Variants in COL11A1 observed in about 807,000 individuals in gnomAD.
COL11A1 encodes collagen type XI alpha 1 chain.
In COL11A1, 74 loss-of-function variants were observed where a neutral mutation model predicts 265.2. The observed-to-expected ratio is 0.28, with a 90% CI of 0.23 to 0.34. The LOEUF is 0.34. Among genes scored for constraint, COL11A1 ranks in the 10% least tolerant of loss-of-function variants. The pLI, the probability that COL11A1 is intolerant of heterozygous loss-of-function variation, is 1.00. For missense variants in COL11A1, 2,165 were observed against 2,263.6 expected, an observed-to-expected ratio of 0.96 and a Z score of 0.88; for synonymous variants, 816 against 727.6, an observed-to-expected ratio of 1.12 and a Z score of -1.96.
chr1:103,107,048 C>T (rs1370268702), intron 1 of COL11A1, among the ~76,000 whole-genome samples: 2 of 152,138 alleles, frequency 1.3e-5, no homozygotes, highest in African/African-American at 4.8e-5. Flanking sequence ...CAAAGGCTTT[C>T]GCCTGCCAGT....
intron 4 of COL11A1, among the ~76,000 whole-genome samples, chr1:103,056,794 G>A (rs1395490047): frequency 6.6e-6 from 1 of 151,970 alleles, no homozygotes; most frequent in Non-Finnish European, 1.5e-5. Context: ...ACATATAAAA[G>A]TTATGTTTAC....
At chr1:102,986,972 T>A (rs1188316017) in intron 30 of COL11A1, among the ~76,000 whole-genome samples, 1 of 150,696 alleles carries the variant, frequency 6.6e-6, no homozygotes, top group Non-Finnish European at 1.5e-5. Context: ...GAAATGCATG[T>A]TTAAGTGGAA....
chr1:103,004,538 A>G (rs1256961612), intron 19 of COL11A1, 50 bp from the exon 20 acceptor site: 3 of 1,592,372 alleles, frequency 1.9e-6, no homozygotes, highest in East Asian at 4.5e-5. Flanking sequence ...ACAATGTATC[A>G]TTTCAACATG....
At chr1:102,972,367 T>G (rs1384574057) in intron 36 of COL11A1, among the ~76,000 whole-genome samples, 1 of 152,126 alleles carries the variant, frequency 6.6e-6, no homozygotes. Context: ...AATATTATAA[T>G]ACTTTAAAAT....
chr1:103,017,400 G>C lies in COL11A1; in HGVS notation c.1413+420C>G, dbSNP rs568551784. Reference sequence around the variant, plus strand: ...TTATTTTATGAGAAGAGTTTGGAGAGACTTAACACAAATGAGATATTTCAG... The same window carrying C: ...TTATTTTATGAGAAGAGTTTGGAGACACTTAACACAAATGAGATATTTCAG... On this transcript the variant is annotated intron_variant, in intron 11 of 66. Coordinates refer to ENST00000370096, the MANE Select transcript of COL11A1 (RefSeq NM_001854.4). Among the ~76,000 whole-genome samples, 10 of 152,136 alleles carry C rather than the reference G, an allele frequency of 6.6e-5. No individual in the cohort carries two copies. In the East Asian group the frequency reaches 1.7e-3, roughly 26 times the overall value.
intron 54 of COL11A1, among the ~76,000 whole-genome samples, chr1:102,909,232 A>G (rs1449202265): frequency 6.6e-6 from 1 of 151,822 alleles, no homozygotes; most frequent in East Asian, 1.9e-4. Flanking sequence ...AGTGCCTGGC[A>G]CCTCTGCTGC....
chr1:103,020,880 G>A (rs1269151397), intron 9 of COL11A1, among the ~76,000 whole-genome samples: 3 of 137,770 alleles, frequency 2.2e-5, no homozygotes, highest in Non-Finnish European at 4.8e-5. Flanking sequence ...TGTCAGGTTT[G>A]TCAAAGGTCA....
chr1:102,899,533 A>G (rs1676502), intron 54 of COL11A1, among the ~76,000 whole-genome samples: 13,330 of 152,132 alleles, frequency 0.088, 690 homozygotes, highest in Middle Eastern at 0.16. Flanking sequence ...GTTCACATAA[A>G]TAGGTAAAAT....
chr1:103,003,247 G>A lies in COL11A1; in HGVS notation c.1966C>T (p.Pro656Ser), dbSNP rs1376472813. 1 of 1,613,164 alleles carries A rather than the reference G, an allele frequency of 6.2e-7. No homozygotes were observed. Among genetic ancestry groups the A allele is most frequent in the Non-Finnish European group, 8.5e-7 (1 of 1,179,796 alleles). ...CCTGGAGCTCCTGGAGTTCCCCTTG[G>A]ACCCAGCAAACCTCGTGGGCCCTAG... Reference protein sequence around the residue: ...GEAGPRGLLGPRGTPGAPGQP... With the variant: ...GEAGPRGLLGSRGTPGAPGQP... The change falls in exon 21 of 67, where the codon CCA becomes TCA. Residue 656 changes from proline to serine, a missense_variant. Physicochemically the swap from Pro to Ser is moderately conservative, Grantham distance 74. Coordinates refer to ENST00000370096, the MANE Select transcript of COL11A1 (RefSeq NM_001854.4).
chr1:102,927,512 C>T (rs1014361482), intron 46 of COL11A1, among the ~76,000 whole-genome samples: 4 of 152,076 alleles, frequency 2.6e-5, no homozygotes, highest in African/African-American at 9.7e-5. Flanking sequence ...GTCAGGAGAT[C>T]GAGACCATCC....
At chr1:102,973,100 A>G (rs1186980378) in intron 36 of COL11A1, among the ~76,000 whole-genome samples, 1 of 152,098 alleles carries the variant, frequency 6.6e-6, no homozygotes, top group Non-Finnish European at 1.5e-5. Flanking sequence ...TCTATATCAA[A>G]CAGATGAAGC....
intron 46 of COL11A1, among the ~76,000 whole-genome samples, chr1:102,924,360 C>T (rs1396363191): frequency 2.0e-5 from 3 of 152,084 alleles, no homozygotes; most frequent in East Asian, 3.9e-4. Flanking sequence ...ATGTCTTCAC[C>T]GAAAAATTAT....
intron 5 of COL11A1, among the ~76,000 whole-genome samples, chr1:103,029,334 A>G (rs1667801383): frequency 6.6e-6 from 1 of 152,032 alleles, no homozygotes; most frequent in Non-Finnish European, 1.5e-5. Context: ...TTCATTGGCA[A>G]CCAACATTGC....
chr1:103,095,286 C>T (rs927400549), intron 1 of COL11A1, among the ~76,000 whole-genome samples: 1 of 151,860 alleles, frequency 6.6e-6, no homozygotes, highest in African/African-American at 2.4e-5. Context: ...TTACATTTTA[C>T]ATAGAAAATT....
intron 54 of COL11A1, among the ~76,000 whole-genome samples, chr1:102,902,861 A>G (rs1653398050): frequency 6.6e-6 from 1 of 151,070 alleles, no homozygotes; most frequent in Non-Finnish European, 1.5e-5. Flanking sequence ...GTACATGCAT[A>G]TACAAGGTAC....
At chr1:102,921,985 A>T (rs1656039553) in intron 47 of COL11A1, among the ~76,000 whole-genome samples, 1 of 152,228 alleles carries the variant, frequency 6.6e-6, no homozygotes, top group Non-Finnish European at 1.5e-5. Flanking sequence ...AGGTATTTTT[A>T]GCTTTTTCTA....
intron 4 of COL11A1, among the ~76,000 whole-genome samples, chr1:103,060,432 A>G (rs569726446): frequency 1.3e-5 from 2 of 152,284 alleles, no homozygotes; most frequent in Non-Finnish European, 2.9e-5. Flanking sequence ...TGAATAAGTG[A>G]AGGTAAAATA....
At chr1:103,046,020 G>C (rs1571140823) in intron 4 of COL11A1, among the ~76,000 whole-genome samples, 2 of 151,304 alleles carry the variant, frequency 1.3e-5, no homozygotes, top group Admixed American at 1.3e-4. Flanking sequence ...GTCTATCGTT[G>C]TTGGACATTT....
intron 42 of COL11A1, among the ~76,000 whole-genome samples, chr1:102,942,007 T>G (rs1215070594): frequency 6.6e-6 from 1 of 152,140 alleles, no homozygotes; most frequent in Non-Finnish European, 1.5e-5. Context: ...GTTAACTAAT[T>G]TATTACTTGC....
Sources: allele counts gnomAD v4.1 joint callset (sites outside exome capture counted in the v4.1 genomes callset), GRCh38; gene constraint gnomAD v4.1.1; transcripts MANE v1.5; gene names NCBI Gene and HGNC (gene_info 2026-07-23, HGNC 2026-07-21).